The following NLRP2 variants were observed in gnomAD, a reference collection of about 807,000 sequenced individuals.
NLRP2 encodes NLR family pyrin domain containing 2.
In NLRP2, 107 loss-of-function variants were observed where a neutral mutation model predicts 97.2. That is an observed-to-expected ratio of 1.10 (90% confidence interval 0.94 to 1.29). NLRP2 has a LOEUF of 1.29. NLRP2 is among the 50% of genes most tolerant of loss of function. The probability of loss-of-function intolerance (pLI) is 0.00; values close to 1 mark genes in which losing one functional copy is unlikely to be tolerated. For synonymous variants in NLRP2, 663 were observed against 551.5 expected, an observed-to-expected ratio of 1.20 and a Z score of -2.83; for missense variants, 1,495 against 1,330.3, an observed-to-expected ratio of 1.12 and a Z score of -1.93.
At chr19:54,971,844 C>T (rs1001887732) in intron 2 of NLRP2, among the ~76,000 whole-genome samples, 5 of 145,932 alleles carry the variant, frequency 3.4e-5, no homozygotes, top group Non-Finnish European at 7.8e-5. Context: ...TTTAACTCTT[C>T]TTGAGAGAGG....
At chr19:54,990,219 G>A (rs1201811449) in intron 9 of NLRP2, 27 bp downstream of exon 9, 11 of 1,612,256 alleles carry the variant, frequency 6.8e-6, no homozygotes, top group Non-Finnish European at 9.3e-6. Context: ...TTACAGAGCA[G>A]CTGTGCTTTC....
At chr19:54,976,503 C>G (rs573761134) in intron 3 of NLRP2, among the ~76,000 whole-genome samples, 1 of 150,650 alleles carries the variant, frequency 6.6e-6, no homozygotes, top group South Asian at 2.1e-4. Flanking sequence ...CCTACCACCA[C>G]GTCTGGCTAA....
At chr19:54,981,977 C>T (rs1160263332) in intron 5 of NLRP2, among the ~76,000 whole-genome samples, 185 bp from the exon 6 acceptor site, 1 of 152,084 alleles carries the variant, frequency 6.6e-6, no homozygotes, top group Non-Finnish European at 1.5e-5. Flanking sequence ...AAGGTTTCTT[C>T]ATGTTGGTCA....
chr19:54,990,364 C>A, intron 9 of NLRP2, 138 bp from the exon 10 acceptor site: 1 of 1,110,946 alleles, frequency 9.0e-7, no homozygotes, highest in Non-Finnish European at 1.4e-6. Flanking sequence ...ATTCCTATTC[C>A]TTCATAGGAT....
intron 3 of NLRP2, among the ~76,000 whole-genome samples, chr19:54,975,225 A>G (rs1394848127): frequency 7.4e-6 from 1 of 136,046 alleles, no homozygotes; most frequent in Non-Finnish European, 1.5e-5. Flanking sequence ...AGCTCTGGTG[A>G]TCCTCCTGCC....
intron 11 of NLRP2, among the ~76,000 whole-genome samples, chr19:54,996,338 C>A (rs1296737114): frequency 6.6e-6 from 1 of 151,964 alleles, no homozygotes; most frequent in Non-Finnish European, 1.5e-5. Context: ...AGGTGAAACC[C>A]TGTCTCTCTA....
At chr19:54,998,049 T>C (rs1470000094) in intron 12 of NLRP2, among the ~76,000 whole-genome samples, 4 of 139,144 alleles carry the variant, frequency 2.9e-5, no homozygotes, top group Non-Finnish European at 4.7e-5. Flanking sequence ...TTTTCTGAGA[T>C]GGAGTCTCAC....
rs1312839452 is a variant in NLRP2 at position 54,982,237 on chromosome 19, A to G, written c.539A>G (p.Lys180Arg). ...TGGAAGAGCTGGCCTGGAGATAGCA[A>G]AGAGGTCCAGGTTATGGCTGAGAGA... ...EMWKSWPGDSKEVQVMAERYK... is the reference protein window; with the variant it reads ...EMWKSWPGDSREVQVMAERYK... Residue 180 changes from lysine (K) to arginine (R), a missense_variant, in exon 6 of 13, where the codon AAA becomes AGA. Transcript: ENST00000448584. 1.2e-6 allele frequency: 2 copies of G among 1,614,122 alleles called. No homozygotes were observed. Among genetic ancestry groups the G allele is most frequent in the South Asian group, 2.2e-5 (2 of 91,072 alleles).
chr19:54,967,288 G>A (rs561511104), intron 1 of NLRP2, among the ~76,000 whole-genome samples: 2 of 152,206 alleles, frequency 1.3e-5, no homozygotes, highest in South Asian at 4.1e-4. Flanking sequence ...TTCGAGACCA[G>A]CCTGACCAAC....
intron 11 of NLRP2, among the ~76,000 whole-genome samples, chr19:54,995,407 G>A (rs2072754472): frequency 6.6e-6 from 1 of 151,386 alleles, no homozygotes; most frequent in Non-Finnish European, 1.5e-5. Context: ...GGTCAGGCTG[G>A]TCTCGACCTC....
rs767478446 is a variant in NLRP2 at position 54,970,236 on chromosome 19, A to T, written c.221A>T (p.Gln74Leu). The change falls in exon 2 of 13, where the codon CAG becomes CTG. Residue 74 changes from glutamine to leucine, a missense_variant. Transcript: ENST00000448584. ...TACTGGGTGGAGATGGCGAGCCTCC[A>T]GGTCTTTGAAAAGATGCACCGAATG... ...DSYWVEMASL[Q>L]VFEKMHRMDL... is the part of the protein sequence containing the mutation. 2 of 1,614,220 alleles carry T rather than the reference A, an allele frequency of 1.2e-6. No individual in the cohort carries two copies. Among genetic ancestry groups the T allele is most frequent in the Non-Finnish European group, 1.7e-6 (2 of 1,180,048 alleles).
intron 10 of NLRP2, chr19:54,991,126 AT>A (rs3837968): frequency 0.38 from 65,170 of 173,506 alleles, 12,921 homozygotes; most frequent in Middle Eastern, 0.49. Flanking sequence ...TGTAAATGGA[AT>A]TCATTTACTT....
chr19:54,996,404 G>T (rs1041885949), intron 11 of NLRP2, among the ~76,000 whole-genome samples: 40 of 152,082 alleles, frequency 2.6e-4, no homozygotes, highest in African/African-American at 8.9e-4. Flanking sequence ...CATCTACTTG[G>T]AGGCACGAGA....
In NLRP2 at chr19:55,000,850, ACAT is replaced by A; in HGVS notation, c.3146_3148del (p.His1049del). 1.9e-6 allele frequency: 3 copies of A among 1,613,550 alleles called. No individual in the cohort carries two copies. The highest frequency in any genetic ancestry group is 2.5e-6 in the Non-Finnish European group (3 of 1,179,512). On this transcript the variant is annotated inframe_deletion, in exon 13 of 13. Coordinates refer to ENST00000448584, the MANE Select transcript of NLRP2 (RefSeq NM_017852.5). ...CACAACTGATTATTGATACTGAGAAACATCATCCCTGGGCAGAAAGGCCTTCTT... is the reference window on the plus strand; with the variant it reads ...CACAACTGATTATTGATACTGAGAAACATCCCTGGGCAGAAAGGCCTTCTT...
chr19:55,000,980 G>A lies in NLRP2; in HGVS notation c.*82G>A. The A allele has an allele frequency of 8.0e-7, 1 of 1,248,902 alleles. No individual in the cohort carries two copies. Among genetic ancestry groups the A allele is most frequent in the Non-Finnish European group, 1.2e-6 (1 of 853,860 alleles). 77.4% of individuals were successfully genotyped at this position (1,248,902 alleles called of 1,614,324 possible). On this transcript the variant is annotated 3_prime_UTR_variant, in exon 13 of 13. Transcript: ENST00000448584. Reference sequence around the variant, plus strand: ...CTGCCTGTGACTCCTCTCCTCCCCGGCCCCTACCCCTCAGGGATAATGAGT... The same window carrying A: ...CTGCCTGTGACTCCTCTCCTCCCCGACCCCTACCCCTCAGGGATAATGAGT...
chr19:54,983,611 T>C lies in NLRP2; in HGVS notation c.1913T>C (p.Val638Ala). Residue 638 changes from valine to alanine, a missense_variant, in exon 6 of 13, where the codon GTG becomes GCG. Coordinates refer to ENST00000448584, the MANE Select transcript of NLRP2 (RefSeq NM_017852.5). The stretch of plus-strand genomic sequence containing the variant: ...CTGCACTTAAATGCAGTAGACGTTG[T>C]GCCATCTTCATTCTGCGTCAAGCAC... ...ISLHLNAVDV[V>A]PSSFCVKHCR... The C allele has an allele frequency of 6.2e-7, 1 of 1,614,172 alleles. No homozygotes were observed. The highest frequency in any genetic ancestry group is 8.5e-7 in the Non-Finnish European group (1 of 1,180,028).
At chr19:54,976,076 TCTCA>T (rs773958713) in intron 3 of NLRP2, among the ~76,000 whole-genome samples, 2 of 151,306 alleles carry the variant, frequency 1.3e-5, no homozygotes, top group South Asian at 2.1e-4. Context: ...TTGGACAAAG[TCTCA>T]CTCTGTTGCC....
intron 6 of NLRP2, 35 bp from the exon 7 acceptor site, chr19:54,985,011 CA>C: frequency 6.2e-7 from 1 of 1,607,804 alleles, no homozygotes; most frequent in Admixed American, 1.7e-5. Context: ...GTGATGGACA[CA>C]CATTTGGTGT....
chr19:54,981,068 G>A (rs58083925), intron 4 of NLRP2, among the ~76,000 whole-genome samples: 8 of 152,142 alleles, frequency 5.3e-5, no homozygotes, highest in Admixed American at 1.3e-4. Context: ...CTGAGATTGC[G>A]CCACTGCACT....
Sources: allele counts gnomAD v4.1 joint callset (sites outside exome capture counted in the v4.1 genomes callset), GRCh38; gene constraint gnomAD v4.1.1; transcripts MANE v1.5; gene names NCBI Gene and HGNC (gene_info 2026-07-23, HGNC 2026-07-21).